Variants in MSH3 observed in about 807,000 individuals in gnomAD.
The protein encoded by MSH3 is DNA mismatch repair protein Msh3.
MSH3 carries 106 observed loss-of-function variants against 123.3 expected under a neutral mutation model. That is an observed-to-expected ratio of 0.86 (90% confidence interval 0.73 to 1.01). The LOEUF (loss-of-function observed/expected upper bound fraction) is 1.01, where lower values mean the gene tolerates loss of function less well. MSH3 is among the 50% of genes least tolerant of loss of function. MSH3 has a pLI of 0.00. For synonymous variants in MSH3, 515 were observed against 481.4 expected (o/e 1.07, Z -0.91); for missense variants, 1,459 against 1,347.6 (o/e 1.08, Z -1.29).
intron 13 of MSH3, among the ~76,000 whole-genome samples, chr5:80,765,585 C>T (rs930496182): frequency 6.6e-6 from 1 of 152,152 alleles, no homozygotes; most frequent in African/African-American, 2.4e-5. Context: ...TACTTTACCC[C>T]TAAATTGTTT....
intron 14 of MSH3, 65 bp downstream of exon 14, chr5:80,768,185 A>G: frequency 1.4e-6 from 2 of 1,380,458 alleles, no homozygotes; most frequent in South Asian, 2.3e-5. Context: ...TTTGCCATTT[A>G]TTTGTGGATT....
intron 7 of MSH3, among the ~76,000 whole-genome samples, chr5:80,677,987 A>G (rs1749880636): frequency 6.6e-6 from 1 of 152,196 alleles, no homozygotes; most frequent in African/African-American, 2.4e-5. Context: ...GAGTTTCTCC[A>G]GAGTATATCC....
At chr5:80,819,640 C>A (rs1287822385) in intron 20 of MSH3, among the ~76,000 whole-genome samples, 16 of 151,880 alleles carry the variant, frequency 1.1e-4, no homozygotes, top group Non-Finnish European at 5.9e-5. Flanking sequence ...GTGCCCACCA[C>A]CACACCCAGC....
chr5:80,862,760 TA>T (rs906025326), intron 21 of MSH3, among the ~76,000 whole-genome samples: 61 of 146,184 alleles, frequency 4.2e-4, no homozygotes, highest in East Asian at 7.9e-4. Context: ...ACCCTGTCTC[TA>T]AAAAAAAAAA....
chr5:80,776,350 G>A (rs1156341728), intron 16 of MSH3, among the ~76,000 whole-genome samples: 1 of 152,136 alleles, frequency 6.6e-6, no homozygotes, highest in African/African-American at 2.4e-5. Flanking sequence ...TGGAAGAAAA[G>A]TTGAGGAACC....
intron 8 of MSH3, among the ~76,000 whole-genome samples, chr5:80,691,635 T>A (rs1750255856): frequency 6.6e-6 from 1 of 150,756 alleles, no homozygotes; most frequent in African/African-American, 2.4e-5. Context: ...TCACAGAAAC[T>A]GACAAGCTGC....
chr5:80,792,617 A>T (rs1744627017), intron 18 of MSH3, 116 bp from the exon 19 acceptor site: 12 of 673,032 alleles, frequency 1.8e-5, no homozygotes, highest in Non-Finnish European at 3.2e-5. Flanking sequence ...ATCTATGTTT[A>T]AAGTTTTGTT....
At chr5:80,778,138 A>T (rs527548926) in intron 16 of MSH3, among the ~76,000 whole-genome samples, 2 of 152,196 alleles carry the variant, frequency 1.3e-5, no homozygotes, top group Non-Finnish European at 2.9e-5. Flanking sequence ...GAGAGCAGAG[A>T]TGATACTCAA....
intron 7 of MSH3, among the ~76,000 whole-genome samples, chr5:80,677,682 T>C (rs376661573): frequency 6.6e-6 from 1 of 152,166 alleles, no homozygotes; most frequent in East Asian, 1.9e-4. Flanking sequence ...AGATGATAAT[T>C]TCCTTGCTTT....
chr5:80,823,164 T>C (rs1043422753), intron 20 of MSH3, among the ~76,000 whole-genome samples: 2 of 152,200 alleles, frequency 1.3e-5, no homozygotes, highest in Non-Finnish European at 2.9e-5. Context: ...ACCATCTAGA[T>C]AGAAGGCTTA....
At chr5:80,790,184 A>G (rs754488725) in intron 18 of MSH3, among the ~76,000 whole-genome samples, 1 of 152,190 alleles carries the variant, frequency 6.6e-6, no homozygotes. Context: ...AGGATTGTTC[A>G]TTGCATCATC....
intron 15 of MSH3, 36 bp downstream of exon 15, chr5:80,769,039 T>C (rs761778511): frequency 6.4e-7 from 1 of 1,553,752 alleles, no homozygotes; most frequent in Non-Finnish European, 8.9e-7. Context: ...CTATTAGTTT[T>C]ACTCTAGTAG....
chr5:80,866,698 C>T (rs1181619202), intron 22 of MSH3, among the ~76,000 whole-genome samples: 4 of 152,170 alleles, frequency 2.6e-5, no homozygotes, highest in Non-Finnish European at 4.4e-5. Flanking sequence ...CTCTGTCCTT[C>T]CAGTATAGTC....
At chr5:80,840,491 G>A (rs1745601815) in intron 20 of MSH3, among the ~76,000 whole-genome samples, 1 of 151,780 alleles carries the variant, frequency 6.6e-6, no homozygotes, top group Admixed American at 6.6e-5. Flanking sequence ...TCAGCTCACT[G>A]CAAACTCCGC....
rs570029385 is a variant in MSH3 at position 80,743,640 on chromosome 5, C to G, written c.1654-866C>G. 1.8e-4 allele frequency among the ~76,000 whole-genome samples: 2 copies of G among 10,872 alleles called. 1 individual carries two copies. The highest frequency in any genetic ancestry group is 3.5e-4 in the Non-Finnish European group (2 of 5,646). The allele number at this position is 10,872 out of a possible 152,430, so 7.1% of individuals were successfully genotyped here. The stretch of plus-strand genomic sequence containing the variant: ...CGGGCGGATCACGAGGTCAGGAGAT[C>G]GAGACCATCCTGGCTAACACGGTGA... On this transcript the variant is annotated intron_variant, in intron 11 of 23. Transcript: ENST00000265081.
At chr5:80,744,371 C>T (rs546932482) in intron 11 of MSH3, 135 bp from the exon 12 acceptor site, 5 of 668,512 alleles carry the variant, frequency 7.5e-6, no homozygotes, top group African/African-American at 7.2e-5. Context: ...ATTCATCTGT[C>T]AAACATTAAA....
chr5:80,698,856 C>T (rs910552192), intron 8 of MSH3, among the ~76,000 whole-genome samples: 1 of 152,034 alleles, frequency 6.6e-6, no homozygotes. Flanking sequence ...ATGTAAATGA[C>T]AAGTTAATGG....
At position 80,703,804 on chromosome 5, in the gene MSH3, G is replaced by T. The variant is rs183628574; in HGVS notation, c.1341-21649G>T. Among the ~76,000 whole-genome samples the T allele has an allele frequency of 7.7e-3, 1,144 of 149,182 alleles. 16 individuals carry two copies. The highest frequency in any genetic ancestry group is 0.026 in the African/African-American group (1,042 of 40,638). ...GATGTGCTCTAGAAACATATAAAGA[G>T]TTTTTTTTTTAATTGGTTTGTTGAC... is the stretch of plus-strand genomic sequence containing the variant. On this transcript the variant is annotated intron_variant, in intron 8 of 23. Coordinates refer to ENST00000265081, the MANE Select transcript of MSH3 (RefSeq NM_002439.5).
At chr5:80,665,645 T>G (rs1255533993) in intron 3 of MSH3, among the ~76,000 whole-genome samples, 1 of 152,222 alleles carries the variant, frequency 6.6e-6, no homozygotes, top group Non-Finnish European at 1.5e-5. Context: ...TTGGAGGGAT[T>G]CTTTATTGAG....
Sources: gnomAD v4.1 joint callset for allele counts (sites outside exome capture counted in the v4.1 genomes callset) on GRCh38, gnomAD v4.1.1 for gene constraint, MANE v1.5 for transcripts, NCBI Gene and HGNC (gene_info 2026-07-23, HGNC 2026-07-21) for gene names.